Variants in FNDC3B observed in about 807,000 individuals in gnomAD.
FNDC3B encodes the protein fibronectin type III domain-containing protein 3B.
FNDC3B carries 12 observed loss-of-function variants against 151.5 expected under a neutral mutation model. That is an observed-to-expected ratio of 0.08 (90% CI 0.05 to 0.13). The LOEUF is 0.13. Among genes scored for constraint, FNDC3B ranks in the 10% least tolerant of loss-of-function variants. The probability of loss-of-function intolerance (pLI) is 1.00; values close to 1 mark genes in which losing one functional copy is unlikely to be tolerated. For missense variants in FNDC3B, 1,214 were observed against 1,505.3 expected (o/e 0.81, Z 3.20); for synonymous variants, 528 against 549.0 (o/e 0.96, Z 0.54).
rs999669427 is a variant in FNDC3B at position 172,232,537 on chromosome 3, G to T, written c.264+5590G>T. Among the ~76,000 whole-genome samples, 8 of 152,284 alleles carry T rather than the reference G, an allele frequency of 5.3e-5. No homozygotes were observed. The South Asian group carries it at 1.7e-3, about 32-fold the overall frequency. On this transcript the variant is annotated intron_variant, in intron 4 of 25. Coordinates refer to ENST00000415807, the MANE Select transcript of FNDC3B (RefSeq NM_022763.4). ...GGAATCCTGTCATTTCAGCTTGGTG[G>T]TTTCTCTGATATAGTAGGTTGGGGG... is the stretch of plus-strand genomic sequence containing the variant.
At chr3:172,181,104 C>CG (rs75568561) in intron 3 of FNDC3B, among the ~76,000 whole-genome samples, 1 of 151,942 alleles carries the variant, frequency 6.6e-6, no homozygotes, top group South Asian at 2.1e-4. Flanking sequence ...TAGATATATT[C>CG]TAAGATGACA....
At chr3:172,355,504 A>AT (rs1462983653) in intron 22 of FNDC3B, among the ~76,000 whole-genome samples, 5 of 132,968 alleles carry the variant, frequency 3.8e-5, no homozygotes, top group African/African-American at 1.3e-4. Flanking sequence ...AACCTACTTA[A>AT]TTAGAAAATC....
intron 15 of FNDC3B, chr3:172,335,665 C>T (rs554736466): frequency 1.3e-5 from 2 of 152,198 alleles, no homozygotes; most frequent in East Asian, 3.9e-4. Context: ...TTGAGGTTGT[C>T]TGGCAAAAGG....
intron 3 of FNDC3B, among the ~76,000 whole-genome samples, chr3:172,199,274 G>C (rs529648693): frequency 6.6e-6 from 1 of 151,648 alleles, no homozygotes; most frequent in South Asian, 2.1e-4. Flanking sequence ...CCGCCTCCCG[G>C]GTTCACGCCA....
intron 2 of FNDC3B, among the ~76,000 whole-genome samples, chr3:172,116,885 G>A (rs1174565555): frequency 6.6e-6 from 1 of 152,000 alleles, no homozygotes; most frequent in African/African-American, 2.4e-5. Context: ...CATTTCTAAG[G>A]TTCATTCATA....
chr3:172,259,418 G>A (rs1414846472), intron 6 of FNDC3B, among the ~76,000 whole-genome samples: 6 of 152,154 alleles, frequency 3.9e-5, no homozygotes, highest in Non-Finnish European at 8.8e-5. Context: ...TAGGGGCCGA[G>A]CGCACTTGAA....
At chr3:172,129,248 C>T (rs1720952170) in intron 2 of FNDC3B, among the ~76,000 whole-genome samples, 1 of 152,180 alleles carries the variant, frequency 6.6e-6, no homozygotes, top group African/African-American at 2.4e-5. Flanking sequence ...ACTGGAATTA[C>T]AGGCATGAGC....
intron 5 of FNDC3B, among the ~76,000 whole-genome samples, chr3:172,249,043 C>T (rs1053212148): frequency 2.0e-5 from 3 of 151,912 alleles, no homozygotes; most frequent in Admixed American, 6.6e-5. Context: ...AAGAAAACAT[C>T]AAGTATTGGG....
At chr3:172,068,548 T>C (rs1717618290) in intron 1 of FNDC3B, among the ~76,000 whole-genome samples, 1 of 151,384 alleles carries the variant, frequency 6.6e-6, no homozygotes, top group South Asian at 2.1e-4. Flanking sequence ...CTCAGCCTGC[T>C]GAGTGGCTGG....
At chr3:172,353,361 A>G (rs1474684600) in intron 22 of FNDC3B, among the ~76,000 whole-genome samples, 1 of 152,232 alleles carries the variant, frequency 6.6e-6, no homozygotes, top group Non-Finnish European at 1.5e-5. Flanking sequence ...TGAACATTGA[A>G]GTCAGAAATT....
At chr3:172,127,368 G>T (rs976769898) in intron 2 of FNDC3B, among the ~76,000 whole-genome samples, 2 of 152,210 alleles carry the variant, frequency 1.3e-5, no homozygotes, top group Non-Finnish European at 2.9e-5. Context: ...GGGAGAAGTG[G>T]TGGTGTGGAC....
chr3:172,139,314 A>T (rs913981749), intron 3 of FNDC3B, among the ~76,000 whole-genome samples: 1 of 152,256 alleles, frequency 6.6e-6, no homozygotes, highest in African/African-American at 2.4e-5. Context: ...GTTTAGTGTG[A>T]AATGACAAGA....
intron 1 of FNDC3B, among the ~76,000 whole-genome samples, chr3:172,098,960 G>A (rs1719233267): frequency 6.6e-6 from 1 of 152,188 alleles, no homozygotes; most frequent in Non-Finnish European, 1.5e-5. Flanking sequence ...TTTCCCACCA[G>A]CACACAATGC....
chr3:172,305,740 A>G (rs969893280), intron 9 of FNDC3B, among the ~76,000 whole-genome samples: 2 of 152,044 alleles, frequency 1.3e-5, no homozygotes, highest in African/African-American at 4.8e-5. Flanking sequence ...CCCATGAGTC[A>G]CCTGTTGGAG....
chr3:172,199,793 T>C (rs1009644747), intron 3 of FNDC3B, among the ~76,000 whole-genome samples: 1 of 152,168 alleles, frequency 6.6e-6, no homozygotes, highest in African/African-American at 2.4e-5. Flanking sequence ...GACAATTATT[T>C]ACCCAGTGAG....
intron 1 of FNDC3B, among the ~76,000 whole-genome samples, chr3:172,065,906 A>T (rs1332579922): frequency 6.6e-6 from 1 of 152,074 alleles, no homozygotes; most frequent in African/African-American, 2.4e-5. Flanking sequence ...TTATGAGTCT[A>T]ATATTTGGAA....
intron 3 of FNDC3B, among the ~76,000 whole-genome samples, chr3:172,187,909 G>A (rs542188357): frequency 6.6e-6 from 1 of 152,028 alleles, no homozygotes; most frequent in African/African-American, 2.4e-5. Flanking sequence ...TATAAGCCGC[G>A]GCCCAGCCTG....
At chr3:172,356,113 T>C (rs1393744269) in intron 22 of FNDC3B, among the ~76,000 whole-genome samples, 1 of 151,558 alleles carries the variant, frequency 6.6e-6, no homozygotes, top group Non-Finnish European at 1.5e-5. Flanking sequence ...CCTTACTATA[T>C]GGTAAGCACT....
intron 1 of FNDC3B, among the ~76,000 whole-genome samples, chr3:172,059,417 T>C (rs1028220369): frequency 6.6e-6 from 1 of 152,178 alleles, no homozygotes; most frequent in South Asian, 2.1e-4. Context: ...ATGGGGGAAT[T>C]TGAAGCTTAT....
Sources: allele counts gnomAD v4.1 joint callset (sites outside exome capture counted in the v4.1 genomes callset), GRCh38; gene constraint gnomAD v4.1.1; transcripts MANE v1.5; gene names NCBI Gene and HGNC (gene_info 2026-07-23, HGNC 2026-07-21).